SKIC3: variants seen among roughly 807,000 people sequenced by gnomAD.
SKIC3 encodes the protein SKI3 subunit of superkiller complex.
At chr5:95,498,652 G>C in the SKIC3 span, 5 of 1,435,506 alleles carry the variant, frequency 3.5e-6, no homozygotes, top group South Asian at 3.7e-5. Context: ...TTGAGACGGA[G>C]TCTCGCTCTG....
the SKIC3 span, among the ~76,000 whole-genome samples, chr5:95,520,029 A>G: frequency 3.3e-5 from 5 of 152,170 alleles, no homozygotes; most frequent in African/African-American, 9.6e-5. Flanking sequence ...AATACAAAAC[A>G]GAGGAGAAAC....
the SKIC3 span, among the ~76,000 whole-genome samples, chr5:95,498,057 C>A: frequency 6.6e-6 from 1 of 152,086 alleles, no homozygotes; most frequent in African/African-American, 2.4e-5. Flanking sequence ...CTAAAACCAT[C>A]AATCTAGACA....
At chr5:95,542,897 G>A in the SKIC3 span, among the ~76,000 whole-genome samples, 1 of 151,994 alleles carries the variant, frequency 6.6e-6, no homozygotes, top group Non-Finnish European at 1.5e-5. Flanking sequence ...GAATAATATT[G>A]TGGAGAAGTC....
chr5:95,502,757 G>A, the SKIC3 span: 1 of 1,186,912 alleles, frequency 8.4e-7, no homozygotes, highest in East Asian at 2.4e-5. Flanking sequence ...AGAACCAGGT[G>A]GGCCCAATCC....
the SKIC3 span, chr5:95,484,613 C>A: frequency 6.8e-7 from 1 of 1,473,628 alleles, no homozygotes; most frequent in South Asian, 1.2e-5. Context: ...TCCCAAAGTG[C>A]CAGGAATACA....
chr5:95,478,481 GT>G, the SKIC3 span: 1 of 1,612,882 alleles, frequency 6.2e-7, no homozygotes, highest in Middle Eastern at 1.7e-4. Context: ...AAGGATTTTA[GT>G]TTATTATGCA....
At chr5:95,529,181 A>C in the SKIC3 span, 1 of 1,169,224 alleles carries the variant, frequency 8.6e-7, no homozygotes, top group East Asian at 2.5e-5. Context: ...TACTCTCCAA[A>C]TCAGACTCCT....
At chr5:95,473,807 T>C in the SKIC3 span, among the ~76,000 whole-genome samples, 1 of 152,234 alleles carries the variant, frequency 6.6e-6, no homozygotes, top group African/African-American at 2.4e-5. Context: ...ATTCTGGATA[T>C]TAGATCTTTG....
At chr5:95,520,814 C>A in the SKIC3 span, 1 of 1,609,842 alleles carries the variant, frequency 6.2e-7, no homozygotes, top group African/African-American at 1.3e-5. Flanking sequence ...GGCATTCACC[C>A]AAACCTAAAA....
chr5:95,553,785 C>T, the SKIC3 span, among the ~76,000 whole-genome samples: 1 of 152,220 alleles, frequency 6.6e-6, no homozygotes, highest in African/African-American at 2.4e-5. Context: ...TCTCGAACCC[C>T]TAACCTTCGG....
At chr5:95,480,697 A>G in the SKIC3 span, among the ~76,000 whole-genome samples, 286 of 152,338 alleles carry the variant, frequency 1.9e-3, 6 homozygotes, top group East Asian at 0.052. Flanking sequence ...AAGAATGGTC[A>G]CAGCAGCATT....
At chr5:95,501,872 G>GT in the SKIC3 span, among the ~76,000 whole-genome samples, 1 of 152,076 alleles carries the variant, frequency 6.6e-6, no homozygotes, top group Non-Finnish European at 1.5e-5. Flanking sequence ...CTTGGAACAT[G>GT]TTATATATAA....
the SKIC3 span, among the ~76,000 whole-genome samples, chr5:95,551,753 T>A: frequency 6.6e-6 from 1 of 152,112 alleles, no homozygotes. Flanking sequence ...ATCAAATGGA[T>A]CTAGGATCAA....
At chr5:95,522,165 T>C in the SKIC3 span, 1 of 1,613,906 alleles carries the variant, frequency 6.2e-7, no homozygotes, top group Non-Finnish European at 8.5e-7. Context: ...TTAAACACAC[T>C]GTATATGGAT....
At chr5:95,547,248 G>A in the SKIC3 span, 1 of 993,310 alleles carries the variant, frequency 1.0e-6, no homozygotes, top group Non-Finnish European at 1.6e-6. Flanking sequence ...CCCTGGAAAA[G>A]GAAAAGACTC....
At chr5:95,545,835 T>C in the SKIC3 span, among the ~76,000 whole-genome samples, 18 of 152,138 alleles carry the variant, frequency 1.2e-4, no homozygotes, top group Non-Finnish European at 5.9e-5. Flanking sequence ...TCAGTGCCTG[T>C]ATTCATGTTG....
chr5:95,492,505 C>T, the SKIC3 span, among the ~76,000 whole-genome samples: 1 of 145,200 alleles, frequency 6.9e-6, no homozygotes. Context: ...GGCGTAGTGG[C>T]GGGCGCCTGT....
the SKIC3 span, among the ~76,000 whole-genome samples, chr5:95,475,271 T>G: frequency 6.6e-6 from 1 of 152,174 alleles, no homozygotes; most frequent in Non-Finnish European, 1.5e-5. Flanking sequence ...AAATCTCACG[T>G]TGAACTGTAA....
the SKIC3 span, among the ~76,000 whole-genome samples, chr5:95,501,936 T>C: frequency 1.3e-5 from 2 of 152,144 alleles, no homozygotes; most frequent in Admixed American, 1.3e-4. Flanking sequence ...GATTTTCTTT[T>C]AAATGGGTTG....
Sources: gnomAD v4.1 joint callset for allele counts (sites outside exome capture counted in the v4.1 genomes callset) on GRCh38, gnomAD v4.1.1 for gene constraint, MANE v1.5 for transcripts, NCBI Gene and HGNC (gene_info 2026-07-23, HGNC 2026-07-21) for gene names.